CSMD2: variants seen among roughly 807,000 people sequenced by gnomAD.
CSMD2 encodes the protein CUB and Sushi multiple domains 2, also known as CUB and sushi domain-containing protein 2.
In CSMD2, 130 loss-of-function variants were observed where a neutral mutation model predicts 398.5. The ratio of observed to expected loss-of-function variants is 0.33; its 90% confidence interval spans 0.28 to 0.38. CSMD2 has a LOEUF of 0.38. CSMD2 is among the 10% of genes least tolerant of loss of function. The probability of loss-of-function intolerance (pLI) is 1.00; values close to 1 mark genes in which losing one functional copy is unlikely to be tolerated. For synonymous variants in CSMD2, 1,828 were observed against 1,908.5 expected (o/e 0.96, Z 1.10); for missense variants, 3,829 against 4,764.9 (o/e 0.80, Z 5.78).
chr1:33,521,595 A>C, intron 67 of CSMD2, 45 bp from the exon 68 acceptor site: 1 of 1,231,316 alleles, frequency 8.1e-7, no homozygotes, highest in South Asian at 1.2e-5. Context: ...GGCTGCTGGA[A>C]GGATCTAGAA....
intron 6 of CSMD2, among the ~76,000 whole-genome samples, chr1:33,833,237 A>G (rs77143724): frequency 0.69 from 54,581 of 79,266 alleles, 20,335 homozygotes; most frequent in East Asian, 0.92. Context: ...ATGAACATTG[A>G]TGCAAAAATC....
chr1:33,732,105 T>C (rs1015921297), intron 15 of CSMD2, among the ~76,000 whole-genome samples: 7 of 151,964 alleles, frequency 4.6e-5, no homozygotes, highest in Admixed American at 1.3e-4. Context: ...AGCACACACA[T>C]GTCTGTGTGC....
intron 55 of CSMD2, among the ~76,000 whole-genome samples, chr1:33,553,416 T>A (rs1338608765): frequency 1.3e-5 from 2 of 152,212 alleles, no homozygotes; most frequent in Non-Finnish European, 2.9e-5. Context: ...AATTGATAAA[T>A]GTTGTGTGTG....
chr1:34,093,389 C>A (rs1227632215), intron 1 of CSMD2, among the ~76,000 whole-genome samples: 1 of 152,156 alleles, frequency 6.6e-6, no homozygotes, highest in Non-Finnish European at 1.5e-5. Context: ...TCACCAGCAA[C>A]GGAACAAAGC....
intron 67 of CSMD2, 71 bp from the exon 68 acceptor site, chr1:33,521,621 A>G (rs1448731137): frequency 3.1e-6 from 3 of 978,662 alleles, no homozygotes; most frequent in Non-Finnish European, 5.0e-6. Flanking sequence ...CTCTCATCAT[A>G]CACGCTGCCC....
chr1:34,020,137 C>A (rs1428770933), intron 3 of CSMD2, among the ~76,000 whole-genome samples: 1 of 152,096 alleles, frequency 6.6e-6, no homozygotes, highest in Non-Finnish European at 1.5e-5. Context: ...ACAGTGTGGT[C>A]AGAAAAGGCT....
intron 19 of CSMD2, among the ~76,000 whole-genome samples, chr1:33,722,913 G>T (rs576174383): frequency 2.7e-5 from 4 of 150,860 alleles, no homozygotes; most frequent in Admixed American, 1.3e-4. Context: ...GGTATAGACG[G>T]TTTTTTTTTC....
chr1:33,553,233 T>C (rs2148637240), intron 55 of CSMD2, among the ~76,000 whole-genome samples: 1 of 152,320 alleles, frequency 6.6e-6, no homozygotes, highest in African/African-American at 2.4e-5. Context: ...ATTTTCCCAA[T>C]AATACGTGCT....
In CSMD2 at chr1:34,053,140, C is replaced by T. The variant is rs560900679; in HGVS notation, c.405-20434G>A. Among the ~76,000 whole-genome samples the T allele has an allele frequency of 2.0e-4, 30 of 152,328 alleles. 2 individuals are homozygous for T. Among genetic ancestry groups the T allele is most frequent in the East Asian group, 7.7e-4 (4 of 5,180 alleles). ...TCTCTCTACTGTCCATCCCTTCCCA[C>T]GCCTTCTCTTGGGGCACACACCATC... On this transcript the variant is annotated intron_variant, in intron 2 of 70. Coordinates refer to ENST00000373381, the MANE Select transcript of CSMD2 (RefSeq NM_001281956.2).
intron 6 of CSMD2, among the ~76,000 whole-genome samples, chr1:33,837,091 G>A (rs906720892): frequency 6.6e-6 from 1 of 152,170 alleles, no homozygotes; most frequent in Admixed American, 6.5e-5. Flanking sequence ...GTCACACCCT[G>A]AGTTATATAT....
intron 12 of CSMD2, among the ~76,000 whole-genome samples, chr1:33,783,398 C>T (rs1052136372): frequency 4.7e-5 from 7 of 150,144 alleles, no homozygotes; most frequent in Admixed American, 3.3e-4. Flanking sequence ...GGATGGATGT[C>T]TAAGAAGAAA....
At chr1:34,126,000 A>G (rs1210790151) in intron 1 of CSMD2, among the ~76,000 whole-genome samples, 1 of 152,146 alleles carries the variant, frequency 6.6e-6, no homozygotes, top group African/African-American at 2.4e-5. Context: ...CCCCAGCCTC[A>G]CTTCTTCAGC....
intron 1 of CSMD2, among the ~76,000 whole-genome samples, chr1:34,154,524 G>A (rs568525147): frequency 6.6e-6 from 1 of 152,304 alleles, no homozygotes; most frequent in South Asian, 2.1e-4. Flanking sequence ...TACGTAAAAC[G>A]TGATGGATGT....
rs145882894 is a variant in CSMD2, at chr1:33,768,014, T to A, written c.1846+4555A>T. On this transcript the variant is annotated intron_variant, in intron 13 of 70. Coordinates refer to ENST00000373381, the MANE Select transcript of CSMD2 (RefSeq NM_001281956.2). The stretch of plus-strand genomic sequence containing the variant: ...GTGGTTCTATGACCATCGTGTTAGT[T>A]ATATTTCTTTGAACCTTGTTTTAAT... Among the ~76,000 whole-genome samples the A allele has an allele frequency of 8.5e-3, 1,302 of 152,308 alleles. 15 individuals are homozygous for A. The highest frequency in any genetic ancestry group is 0.03 in the African/African-American group (1,231 of 41,552).
chr1:33,761,779 A>G (rs527315), intron 13 of CSMD2, among the ~76,000 whole-genome samples: 51,033 of 152,100 alleles, frequency 0.34, 9,634 homozygotes, highest in African/African-American at 0.51. Context: ...ATACATGCTG[A>G]TTGTTCTCCA....
Position 33,953,674 on chromosome 1 carries a change from C to T in CSMD2, c.518-17720G>A, listed in dbSNP as rs112722345. Among the ~76,000 whole-genome samples the T allele has an allele frequency of 3.9e-4, 59 of 152,262 alleles. 3 individuals carry two copies. The highest frequency in any genetic ancestry group is 1.3e-3 in the African/African-American group (54 of 41,546). On this transcript the variant is annotated intron_variant, in intron 3 of 70. Coordinates refer to ENST00000373381, the MANE Select transcript of CSMD2 (RefSeq NM_001281956.2). ...CAGGAAGAAAGGAGCCACAGGCCCC[C>T]GAGTTCAGGCATAGATTCCTAGTGC...
At position 34,164,863 on chromosome 1, in the gene CSMD2, G is replaced by GGGT; in HGVS notation, c.187+45_187+47dup. Reference sequence around the variant, plus strand: ...TCGAGGATGGGTGGGCTCGGGGCTCGGGTGGGGCGCGCGGCGGCCGCTGGC... The same window carrying GGGT: ...TCGAGGATGGGTGGGCTCGGGGCTCGGGTGGTGGGGCGCGCGGCGGCCGCTGGC... On this transcript the variant is annotated intron_variant, in intron 1 of 70. Transcript: ENST00000373381. The surrounding 1 kb of genome is among the most constrained non-coding windows in gnomAD (Gnocchi z 6.2). 1 of 1,214,192 alleles carries GGGT rather than the reference G, an allele frequency of 8.2e-7. No individual in the cohort carries two copies. Among genetic ancestry groups the GGGT allele is most frequent in the Non-Finnish European group, 1.0e-6 (1 of 976,432 alleles). The allele number at this position is 1,214,192 out of a possible 1,614,324, so 75.2% of individuals were successfully genotyped here.
intron 20 of CSMD2, 94 bp from the exon 21 acceptor site, chr1:33,714,869 G>A: frequency 8.0e-7 from 1 of 1,253,594 alleles, no homozygotes; most frequent in South Asian, 1.3e-5. Flanking sequence ...CAGGGGGAAA[G>A]GGCCAGGGAC....
chr1:33,709,181 G>T lies in CSMD2; in HGVS notation c.3484C>A (p.His1162Asn). ...PNFPVNYNNN[H>N]ECIYSIQTQP... ...GTCTGGATGGAGTAGATGCATTCAT[G>T]ATTGTTATTGTAGTTCACAGGAAAG... is the stretch of plus-strand genomic sequence containing the variant. Residue 1162 changes from histidine (H) to asparagine (N), a missense_variant, in exon 22 of 71, where the codon CAT becomes AAT. Physicochemically the swap from His to Asn is moderately conservative, Grantham distance 68. Coordinates refer to ENST00000373381, the MANE Select transcript of CSMD2 (RefSeq NM_001281956.2). The T allele has an allele frequency of 6.2e-7, 1 of 1,614,016 alleles. No individual in the cohort carries two copies. Among genetic ancestry groups the T allele is most frequent in the Non-Finnish European group, 8.5e-7 (1 of 1,179,884 alleles).
Sources: gnomAD v4.1 joint callset for allele counts (sites outside exome capture counted in the v4.1 genomes callset) on GRCh38, gnomAD v4.1.1 for gene constraint, Gnocchi (gnomAD v3.1) non-coding constraint, MANE v1.5 for transcripts, NCBI Gene and HGNC (gene_info 2026-07-23, HGNC 2026-07-21) for gene names.